The following KLHL14 variants were observed in gnomAD, a reference collection of about 807,000 sequenced individuals.
KLHL14 encodes the protein kelch-like protein 14.
A neutral mutation model predicts 64.3 loss-of-function variants in KLHL14; 22 were observed. That is an observed-to-expected ratio of 0.34 (90% CI 0.24 to 0.49). KLHL14 has a LOEUF of 0.49. KLHL14 is among the 20% of genes least tolerant of loss of function. The probability of loss-of-function intolerance (pLI) is 0.99; values close to 1 mark genes in which losing one functional copy is unlikely to be tolerated. For missense variants in KLHL14, 661 were observed against 789.0 expected, an observed-to-expected ratio of 0.84 and a Z score of 1.94; for synonymous variants, 322 against 333.4, an observed-to-expected ratio of 0.97 and a Z score of 0.37.
At chr18:32,760,155 A>G (rs1310151604) in intron 2 of KLHL14, among the ~76,000 whole-genome samples, 2 of 152,112 alleles carry the variant, frequency 1.3e-5, no homozygotes, top group African/African-American at 4.8e-5. Flanking sequence ...TCTGGTGACA[A>G]ATTGACCCTC....
chr18:32,706,220 T>C (rs1379994638), intron 3 of KLHL14, among the ~76,000 whole-genome samples: 1 of 152,140 alleles, frequency 6.6e-6, no homozygotes, highest in Non-Finnish European at 1.5e-5. Flanking sequence ...GGCCAGGACA[T>C]CAGGATTATA....
In KLHL14 at chr18:32,672,988, G is replaced by C. The variant is rs774595614; in HGVS notation, c.*1669C>G. 6.6e-6 allele frequency: 1 copy of C among 152,576 alleles called. No homozygotes were observed. Among genetic ancestry groups the C allele is most frequent in the Non-Finnish European group, 1.5e-5 (1 of 68,024 alleles). The allele number at this position is 152,576 out of a possible 1,614,324, so 9.5% of individuals were successfully genotyped here. A position where few individuals can be genotyped will look rare whatever the true frequency, so the allele number is the denominator to read the frequency against. On this transcript the variant is annotated 3_prime_UTR_variant, in exon 9 of 9. Transcript: ENST00000359358. Reference sequence around the variant, plus strand: ...AAGCAGACCTCATTCTATTCATGATGTCAGCTGAGATTTTCCCACAGAGTA... The same window carrying C: ...AAGCAGACCTCATTCTATTCATGATCTCAGCTGAGATTTTCCCACAGAGTA...
At position 32,734,456 on chromosome 18, in the gene KLHL14, G is replaced by A. The variant is rs577361697; in HGVS notation, c.1069+7472C>T. Among the ~76,000 whole-genome samples, 9 of 152,258 alleles carry A rather than the reference G, an allele frequency of 5.9e-5. No homozygotes were observed. The East Asian group carries it at 1.7e-3, about 29-fold the overall frequency. On this transcript the variant is annotated intron_variant, in intron 3 of 8. Coordinates refer to ENST00000359358, the MANE Select transcript of KLHL14 (RefSeq NM_020805.3). The stretch of plus-strand genomic sequence containing the variant: ...AAATCATTTTCTCTTGTCAGTTTAA[G>A]CTCCTGAGACTTTTGGAGTTATTAC...
intron 4 of KLHL14, among the ~76,000 whole-genome samples, chr18:32,693,217 C>A (rs1313551592): frequency 6.6e-6 from 1 of 152,114 alleles, no homozygotes; most frequent in Admixed American, 6.5e-5. Flanking sequence ...GCCTGCTTGC[C>A]GCAAGGTGTA....
intron 3 of KLHL14, among the ~76,000 whole-genome samples, chr18:32,729,509 T>C (rs573482140): frequency 6.6e-6 from 1 of 152,248 alleles, no homozygotes; most frequent in South Asian, 2.1e-4. Flanking sequence ...TACATTGTAA[T>C]AGGATTTGTT....
chr18:32,730,571 G>C (rs1416659011), intron 3 of KLHL14, among the ~76,000 whole-genome samples: 1 of 152,088 alleles, frequency 6.6e-6, no homozygotes, highest in Non-Finnish European at 1.5e-5. Flanking sequence ...ATTACAACAA[G>C]ACAAAAGCAT....
At chr18:32,719,728 A>G (rs914209685) in intron 3 of KLHL14, among the ~76,000 whole-genome samples, 2 of 152,218 alleles carry the variant, frequency 1.3e-5, no homozygotes, top group Non-Finnish European at 2.9e-5. Context: ...GCAGGCAGAC[A>G]TTTAAACAAC....
At chr18:32,699,108 A>G (rs1191842855) in intron 3 of KLHL14, among the ~76,000 whole-genome samples, 6 of 152,164 alleles carry the variant, frequency 3.9e-5, no homozygotes, top group Non-Finnish European at 8.8e-5. Flanking sequence ...TCAGTTACAC[A>G]GTCTTTTACC....
rs1012205502 is a variant in KLHL14 at position 32,770,375 on chromosome 18, C to T, written c.217G>A (p.Gly73Ser). 3.1e-6 allele frequency: 5 copies of T among 1,589,486 alleles called. No individual in the cohort carries two copies. The Admixed American group carries it at 8.6e-5, about 27-fold the overall frequency. Residue 73 changes from glycine (G) to serine (S), a missense_variant, in exon 2 of 9, where the codon GGC becomes AGC. Gly to Ser is a moderately conservative substitution (Grantham distance 56). Around this residue, in one of 2 missense-constraint regions of KLHL14, gnomAD observed 331 missense variants for 339.0 expected, o/e 0.98. Coordinates refer to ENST00000359358, the MANE Select transcript of KLHL14 (RefSeq NM_020805.3). The surrounding 1 kb of genome is among the most constrained non-coding windows in gnomAD (Gnocchi z 6.7). ...SSHPPLGGGV[G>S]GQDGLGAPKD... ...GGGGCCCCCAGGCCGTCCTGGCCGCCGACCCCTCCCCCGAGAGGGGGGTGG... is the reference window on the plus strand; with the variant it reads ...GGGGCCCCCAGGCCGTCCTGGCCGCTGACCCCTCCCCCGAGAGGGGGGTGG...
chr18:32,769,779 G>A lies in KLHL14; in HGVS notation c.813C>T (p.Ala271=), dbSNP rs767898067. ...ACTGGACCCGCTCCACCAGCTCCGG[G>A]GCCGGGATGAGGGCGAAGCGGAGGC... ...MKRLRFALIP[A]PELVERVQSV... is the part of the protein sequence containing the mutation. Residue 271 remains alanine, a synonymous_variant, in exon 2 of 9, where the codon GCC becomes GCT. Coordinates refer to ENST00000359358, the MANE Select transcript of KLHL14 (RefSeq NM_020805.3). 2 of 1,609,824 alleles carry A rather than the reference G, an allele frequency of 1.2e-6. No homozygotes were observed. The highest frequency in any genetic ancestry group is 1.7e-6 in the Non-Finnish European group (2 of 1,177,128).
At chr18:32,722,666 C>G (rs1408158585) in intron 3 of KLHL14, among the ~76,000 whole-genome samples, 2 of 152,148 alleles carry the variant, frequency 1.3e-5, no homozygotes, top group Admixed American at 1.3e-4. Flanking sequence ...AAACAGCAAT[C>G]CATCTTAAAA....
intron 2 of KLHL14, among the ~76,000 whole-genome samples, chr18:32,757,298 A>G (rs911521807): frequency 2.0e-5 from 3 of 152,232 alleles, no homozygotes; most frequent in Non-Finnish European, 4.4e-5. Context: ...TTTGTCCTTA[A>G]GGAAAACTGC....
intron 3 of KLHL14, among the ~76,000 whole-genome samples, chr18:32,702,033 T>C (rs1006005752): frequency 6.6e-6 from 1 of 152,234 alleles, no homozygotes; most frequent in Admixed American, 6.5e-5. Context: ...GCTACAGGTG[T>C]AGCATGTTTT....
chr18:32,699,896 C>T (rs1336052593), intron 3 of KLHL14, among the ~76,000 whole-genome samples: 1 of 151,342 alleles, frequency 6.6e-6, no homozygotes, highest in Non-Finnish European at 1.5e-5. Flanking sequence ...AGAAAATCAG[C>T]CAGTTAAGGG....
intron 3 of KLHL14, among the ~76,000 whole-genome samples, chr18:32,700,394 T>A (rs2049959483): frequency 6.6e-6 from 1 of 152,050 alleles, no homozygotes; most frequent in Non-Finnish European, 1.5e-5. Flanking sequence ...AAAAAGGACA[T>A]ACAGAACAAA....
At chr18:32,687,103 G>A in intron 5 of KLHL14, 52 bp downstream of exon 5, 1 of 1,425,086 alleles carries the variant, frequency 7.0e-7, no homozygotes, top group Non-Finnish European at 9.9e-7. Context: ...TAGCACCCAT[G>A]CCTCCTGTAA....
intron 3 of KLHL14, among the ~76,000 whole-genome samples, chr18:32,730,462 G>GT (rs2050131868): frequency 6.6e-6 from 1 of 152,180 alleles, no homozygotes; most frequent in South Asian, 2.1e-4. Flanking sequence ...CCAGTTTCCT[G>GT]TGATTTTTTC....
intron 2 of KLHL14, among the ~76,000 whole-genome samples, chr18:32,751,781 A>G (rs1002991702): frequency 1.3e-5 from 2 of 152,220 alleles, no homozygotes; most frequent in Admixed American, 6.5e-5. Context: ...AACTTACTAC[A>G]TAGTAGGTGC....
At chr18:32,675,991 C>T (rs2049809472) in intron 8 of KLHL14, among the ~76,000 whole-genome samples, 1 of 152,072 alleles carries the variant, frequency 6.6e-6, no homozygotes, top group Non-Finnish European at 1.5e-5. Context: ...AAAACTAACA[C>T]AGGTAATCAG....
Sources: allele counts gnomAD v4.1 joint callset (sites outside exome capture counted in the v4.1 genomes callset), GRCh38; gene constraint gnomAD v4.1.1; regional missense constraint gnomAD v4.1.1; non-coding constraint Gnocchi (gnomAD v3.1); transcripts MANE v1.5; gene names NCBI Gene and HGNC (gene_info 2026-07-23, HGNC 2026-07-21).